Variants in SETD7 observed in about 807,000 individuals in gnomAD.
SETD7 encodes the protein SET domain containing 7, histone lysine methyltransferase.
SETD7 carries 16 observed loss-of-function variants against 41.8 expected under a neutral mutation model. That is an observed-to-expected ratio of 0.38 (90% confidence interval 0.26 to 0.58). The LOEUF (loss-of-function observed/expected upper bound fraction) is 0.58, where lower values mean the gene tolerates loss of function less well. SETD7 is among the 20% of genes least tolerant of loss of function. The pLI, the probability that SETD7 is intolerant of heterozygous loss-of-function variation, is 0.64. For missense variants in SETD7, 346 were observed against 459.7 expected, an observed-to-expected ratio of 0.75 and a Z score of 2.26; for synonymous variants, 163 against 169.7, an observed-to-expected ratio of 0.96 and a Z score of 0.31.
intron 2 of SETD7, among the ~76,000 whole-genome samples, chr4:139,544,396 T>C (rs181166062): frequency 1.3e-5 from 2 of 152,310 alleles, no homozygotes; most frequent in African/African-American, 2.4e-5. Flanking sequence ...TTCTAGCCTA[T>C]AGATAGTTAC....
At chr4:139,512,642 C>CAATAAAT in intron 7 of SETD7, among the ~76,000 whole-genome samples, 1 of 151,984 alleles carries the variant, frequency 6.6e-6, no homozygotes, top group Non-Finnish European at 1.5e-5. Context: ...GCTCACCTAA[C>CAATAAAT]AGCTGCTGAA....
Position 139,555,379 on chromosome 4 carries a change from G to T in SETD7, c.40+719C>A, listed in dbSNP as rs1454606644. On this transcript the variant is annotated intron_variant, in intron 1 of 7. Coordinates refer to ENST00000274031, the MANE Select transcript of SETD7 (RefSeq NM_030648.4). This position sits in a 1 kb window ranked among gnomAD's most constrained non-coding sequence, Gnocchi z 4.0. The stretch of plus-strand genomic sequence containing the variant: ...CGGACTCGCGGCGCGCCTGCACAGC[G>T]TGGCGGCTGCATCCCAGCCAAGCAG... Among the ~76,000 whole-genome samples, 1 of 151,708 alleles carries T rather than the reference G, an allele frequency of 6.6e-6. No individual in the cohort carries two copies. The highest frequency in any genetic ancestry group is 2.4e-5 in the African/African-American group (1 of 41,300).
intron 1 of SETD7, 83 bp from the exon 2 acceptor site, chr4:139,547,132 A>T: frequency 6.5e-7 from 1 of 1,540,394 alleles, no homozygotes; most frequent in South Asian, 1.2e-5. Flanking sequence ...ATGCTGCCAG[A>T]CAAGTCCCCC....
At chr4:139,499,648 C>T (rs538173321) in intron 7 of SETD7, among the ~76,000 whole-genome samples, 1 of 150,000 alleles carries the variant, frequency 6.7e-6, no homozygotes, top group African/African-American at 2.5e-5. Context: ...GTTTCCCAGC[C>T]CCCTTCCCAC....
At chr4:139,539,473 C>T (rs572033094) in intron 2 of SETD7, among the ~76,000 whole-genome samples, 139 of 152,328 alleles carry the variant, frequency 9.1e-4, no homozygotes, top group Admixed American at 3.2e-3. Flanking sequence ...TGATGGAGAA[C>T]TCTAATGCTT....
At chr4:139,548,355 G>T (rs1728017873) in intron 1 of SETD7, among the ~76,000 whole-genome samples, 1 of 152,302 alleles carries the variant, frequency 6.6e-6, no homozygotes, top group Non-Finnish European at 1.5e-5. Context: ...ATGCGGCCGG[G>T]CATGGTGGCT....
rs528485018 is a variant in SETD7, at chr4:139,511,726, C to T, written c.1038G>A (p.Gly346=). The change falls in exon 8 of 8, where the codon GGG becomes GGA. Residue 346 remains glycine (G), a synonymous_variant. Coordinates refer to ENST00000274031, the MANE Select transcript of SETD7 (RefSeq NM_030648.4). ...GYDHSPPGKS[G]PEAPEWYQVE... is the part of the protein sequence containing the mutation. ...CCTGGTACCACTCAGGGGCTTCAGG[C>T]CCACTCTTCCCGGGGGGGCTGTGGT... 7 of 1,614,132 alleles carry T rather than the reference C, an allele frequency of 4.3e-6. No homozygotes were observed. In the South Asian group the frequency reaches 7.7e-5, roughly 18 times the overall value.
At chr4:139,513,354 A>C (rs1579202012) in intron 7 of SETD7, among the ~76,000 whole-genome samples, 1 of 151,058 alleles carries the variant, frequency 6.6e-6, no homozygotes, top group East Asian at 2.0e-4. Context: ...CAAGAGGTGG[A>C]GATTGCAGTG....
chr4:139,549,255 G>A (rs1742991578), intron 1 of SETD7, among the ~76,000 whole-genome samples: 1 of 152,146 alleles, frequency 6.6e-6, no homozygotes, highest in South Asian at 2.1e-4. Context: ...TTGATAAAAT[G>A]TGTTATTCCA....
intron 2 of SETD7, among the ~76,000 whole-genome samples, chr4:139,540,289 C>A (rs1727745996): frequency 6.6e-6 from 1 of 152,188 alleles, no homozygotes; most frequent in South Asian, 2.1e-4. Context: ...ATCTTCCAAG[C>A]TCTTCCCAAG....
At chr4:139,493,962 A>ACTGC (rs1280487312), downstream of SETD7, among the ~76,000 whole-genome samples, 1 of 149,284 alleles carries the variant, frequency 6.7e-6, no homozygotes, top group Non-Finnish European at 1.5e-5. Flanking sequence ...TCACTCAGTG[A>ACTGC]CTGCCTGCCT....
rs140244407 is a variant in SETD7, at chr4:139,555,493, C to G, written c.40+605G>C. 6.6e-6 allele frequency among the ~76,000 whole-genome samples: 1 copy of G among 151,970 alleles called. No individual in the cohort carries two copies. The highest frequency in any genetic ancestry group is 1.5e-5 in the Non-Finnish European group (1 of 67,976). On this transcript the variant is annotated intron_variant, in intron 1 of 7. Coordinates refer to ENST00000274031, the MANE Select transcript of SETD7 (RefSeq NM_030648.4). This position sits in a 1 kb window ranked among gnomAD's most constrained non-coding sequence, Gnocchi z 4.0. ...TCCCGGACGGCGCACGTTCGAGTCC[C>G]GGGTCGGGAGACTTGTCCGTCGCCC...
downstream of SETD7, among the ~76,000 whole-genome samples, chr4:139,493,240 C>T (rs1028261308): frequency 1.3e-5 from 2 of 152,170 alleles, no homozygotes; most frequent in Non-Finnish European, 2.9e-5. Context: ...TCAAGGAGGG[C>T]ACCTCTGATG....
chr4:139,539,611 T>C (rs1435733531), intron 2 of SETD7, among the ~76,000 whole-genome samples: 3 of 152,108 alleles, frequency 2.0e-5, no homozygotes, highest in African/African-American at 7.2e-5. Flanking sequence ...ATTTGAAGAG[T>C]GAATAATGAA....
In SETD7 at chr4:139,526,425, A is replaced by G. The variant is rs556935314; in HGVS notation, c.562+2606T>C. Among the ~76,000 whole-genome samples the G allele has an allele frequency of 2.8e-5, 4 of 144,458 alleles. No homozygotes were observed. The South Asian group carries it at 9.2e-4, about 33-fold the overall frequency. The allele number at this position is 144,458 out of a possible 152,430, so 94.8% of individuals were successfully genotyped here. On this transcript the variant is annotated intron_variant, in intron 4 of 7. Transcript: ENST00000274031. ...GCTGAGATTACAGACACATGCCACT[A>G]TGCCCAGCTAATTTTTTTTTTTTTT... is the stretch of plus-strand genomic sequence containing the variant.
At chr4:139,535,007 T>C (rs1423857462) in intron 2 of SETD7, among the ~76,000 whole-genome samples, 1 of 152,228 alleles carries the variant, frequency 6.6e-6, no homozygotes, top group African/African-American at 2.4e-5. Context: ...CAATGACAAA[T>C]AGGCTTCCTA....
chr4:139,517,204 G>A (rs1461612391), intron 7 of SETD7, among the ~76,000 whole-genome samples: 1 of 152,058 alleles, frequency 6.6e-6, no homozygotes, highest in African/African-American at 2.4e-5. Context: ...GCTGGGCGAG[G>A]TGGCTCACGC....
chr4:139,543,962 T>TCAAACAAACAAACAAA (rs10684792), intron 2 of SETD7, among the ~76,000 whole-genome samples: 36 of 148,198 alleles, frequency 2.4e-4, no homozygotes, highest in Non-Finnish European at 3.6e-4. Context: ...AGACTCCATC[T>TCAAACAAACAAACAAA]CAAACAAACA....
chr4:139,502,004 T>C (rs1484527580), downstream of SETD7, among the ~76,000 whole-genome samples: 3 of 152,116 alleles, frequency 2.0e-5, no homozygotes, highest in Non-Finnish European at 4.4e-5. Flanking sequence ...AATCTTTTTT[T>C]CCCCCAGTTG....
Sources: gnomAD v4.1 joint callset for allele counts (sites outside exome capture counted in the v4.1 genomes callset) on GRCh38, gnomAD v4.1.1 for gene constraint, Gnocchi (gnomAD v3.1) non-coding constraint, MANE v1.5 for transcripts, NCBI Gene and HGNC (gene_info 2026-07-23, HGNC 2026-07-21) for gene names.